The following CCDC171 variants were observed in gnomAD, a reference collection of about 807,000 sequenced individuals.
The protein encoded by CCDC171 is coiled-coil domain-containing protein 171.
CCDC171 carries 177 observed loss-of-function variants against 168.2 expected under a neutral mutation model. The observed-to-expected ratio is 1.05, with a 90% CI of 0.93 to 1.19. The LOEUF is 1.19. Ranked by LOEUF, CCDC171 falls within the 50% of genes most tolerant of loss-of-function variation. The pLI, the probability that CCDC171 is intolerant of heterozygous loss-of-function variation, is 0.00. For missense variants in CCDC171, 1,991 were observed against 1,539.0 expected (o/e 1.29, Z -4.91); for synonymous variants, 687 against 540.8 (o/e 1.27, Z -3.75).
intron 21 of CCDC171, among the ~76,000 whole-genome samples, chr9:15,823,989 T>G (rs145600220): frequency 8.5e-4 from 129 of 152,288 alleles, no homozygotes; most frequent in Non-Finnish European, 1.7e-3. Context: ...GAAGAAAACT[T>G]AATAGCATTG....
chr9:15,665,022 A>G (rs903692871), intron 8 of CCDC171, among the ~76,000 whole-genome samples: 4 of 152,132 alleles, frequency 2.6e-5, no homozygotes, highest in Non-Finnish European at 5.9e-5. Context: ...AAATAGTAAA[A>G]TGAACTTCCC....
intron 24 of CCDC171, among the ~76,000 whole-genome samples, chr9:15,895,504 A>G (rs1433266264): frequency 6.6e-6 from 1 of 152,016 alleles, no homozygotes; most frequent in African/African-American, 2.4e-5. Flanking sequence ...ATAGAATCCA[A>G]ATATTCACCT....
chr9:15,569,196 G>C (rs535125633), intron 2 of CCDC171, among the ~76,000 whole-genome samples: 3 of 152,106 alleles, frequency 2.0e-5, no homozygotes, highest in Non-Finnish European at 4.4e-5. Context: ...CTATTTCCAT[G>C]GATTTGTTTC....
At chr9:15,929,685 A>G (rs1433548199) in intron 25 of CCDC171, among the ~76,000 whole-genome samples, 1 of 151,800 alleles carries the variant, frequency 6.6e-6, no homozygotes, top group Admixed American at 6.6e-5. Flanking sequence ...TGGTCTTCCA[A>G]TAAGTTTTCT....
At chr9:15,778,189 C>T (rs996757066) in intron 19 of CCDC171, among the ~76,000 whole-genome samples, 1 of 150,798 alleles carries the variant, frequency 6.6e-6, no homozygotes, top group Non-Finnish European at 1.5e-5. Flanking sequence ...CCCAGCTACT[C>T]GGGAGGCTGA....
intron 23 of CCDC171, among the ~76,000 whole-genome samples, chr9:15,852,229 C>G (rs956860883): frequency 6.6e-6 from 1 of 151,770 alleles, no homozygotes; most frequent in African/African-American, 2.4e-5. Flanking sequence ...TTTTCCACAT[C>G]CTTGCTCACA....
intron 7 of CCDC171, among the ~76,000 whole-genome samples, chr9:15,647,390 A>G (rs2047132937): frequency 6.6e-6 from 1 of 152,028 alleles, no homozygotes; most frequent in Admixed American, 6.6e-5. Context: ...AAGGCAAGAC[A>G]TAACTAAGAG....
chr9:15,723,618 G>T, intron 12 of CCDC171, 63 bp from the exon 13 acceptor site: 2 of 1,230,032 alleles, frequency 1.6e-6, no homozygotes, highest in South Asian at 2.7e-5. Flanking sequence ...ACCCATCCTT[G>T]AAAAATGTAA....
intron 11 of CCDC171, among the ~76,000 whole-genome samples, chr9:15,721,160 T>C (rs2053454367): frequency 6.6e-6 from 1 of 152,206 alleles, no homozygotes; most frequent in East Asian, 1.9e-4. Context: ...AATTGAAACA[T>C]GATGTAGGCT....
chr9:16,057,125 C>T (rs1463766959), intron 1 of CCDC171, among the ~76,000 whole-genome samples: 1 of 152,138 alleles, frequency 6.6e-6, no homozygotes, highest in Non-Finnish European at 1.5e-5. Context: ...GAATGACATC[C>T]TTTTATATAT....
rs1484929171 is a variant in CCDC171 at position 15,591,570 on chromosome 9, TA to T, written c.543+15del. 1 of 1,398,036 alleles carries T rather than the reference TA, an allele frequency of 7.2e-7. No homozygotes were observed. The highest frequency in any genetic ancestry group is 1.3e-5 in the South Asian group (1 of 77,976). 86.6% of individuals were successfully genotyped at this position (1,398,036 alleles called of 1,614,324 possible). On this transcript the variant is annotated intron_variant, in intron 5 of 25. Coordinates refer to ENST00000380701, the MANE Select transcript of CCDC171 (RefSeq NM_173550.4). Reference sequence around the variant, plus strand: ...AAAACTCTACAGGTAAAATAGTTTTTATAAAGGAATTTTCCGATATGTAATA... The same window carrying T: ...AAAACTCTACAGGTAAAATAGTTTTTTAAAGGAATTTTCCGATATGTAATA...
At chr9:15,812,467 C>A (rs1192116915) in intron 21 of CCDC171, among the ~76,000 whole-genome samples, 6 of 152,166 alleles carry the variant, frequency 3.9e-5, no homozygotes, top group Non-Finnish European at 8.8e-5. Context: ...CAAGTCTGGA[C>A]TAAAATTGCC....
intron 24 of CCDC171, among the ~76,000 whole-genome samples, chr9:15,882,070 G>A (rs1028538338): frequency 3.3e-5 from 5 of 152,094 alleles, no homozygotes; most frequent in African/African-American, 1.2e-4. Flanking sequence ...TAGTGTGCGA[G>A]GATTCTCCTT....
chr9:15,742,485 C>T (rs1008369941), intron 16 of CCDC171, among the ~76,000 whole-genome samples: 1 of 152,184 alleles, frequency 6.6e-6, no homozygotes, highest in Non-Finnish European at 1.5e-5. Context: ...AGCCAAGTGT[C>T]AAGTTTTATT....
chr9:16,063,961 A>C (rs1200487900), downstream of CCDC171, among the ~76,000 whole-genome samples: 1 of 152,214 alleles, frequency 6.6e-6, no homozygotes, highest in Admixed American at 6.5e-5. Context: ...GGAGTGAGCA[A>C]GTCTTGCTGG....
chr9:15,625,643 T>G (rs1235362891), intron 7 of CCDC171, among the ~76,000 whole-genome samples: 1 of 152,220 alleles, frequency 6.6e-6, no homozygotes, highest in East Asian at 1.9e-4. Context: ...GTGCTAATAT[T>G]TCTGAGGGCT....
downstream of CCDC171, among the ~76,000 whole-genome samples, chr9:16,062,502 A>G (rs1367049706): frequency 6.6e-6 from 1 of 152,220 alleles, no homozygotes; most frequent in Non-Finnish European, 1.5e-5. Context: ...ACCCCGAGAC[A>G]TGCAATTTAC....
At chr9:15,752,332 GAC>G (rs1165463260) in intron 18 of CCDC171, among the ~76,000 whole-genome samples, 3 of 152,172 alleles carry the variant, frequency 2.0e-5, no homozygotes, top group Non-Finnish European at 4.4e-5. Flanking sequence ...CATTGTAGAA[GAC>G]AGTTTGGCAA....
rs1213908054 is a variant in CCDC171 at position 15,666,251 on chromosome 9, A to T, written c.1004A>T (p.Glu335Val). 1 of 1,613,922 alleles carries T rather than the reference A, an allele frequency of 6.2e-7. No homozygotes were observed. Among genetic ancestry groups the T allele is most frequent in the East Asian group, 2.2e-5 (1 of 44,852 alleles). Reference protein sequence around the residue: ...AVADLEIIKNEFKEVESAYER... With the variant: ...AVADLEIIKNVFKEVESAYER... Reference sequence around the variant, plus strand: ...GCTGATTTGGAAATTATCAAGAATGAATTCAAAGAAGTTGAAAGTGCATAT... The same window carrying T: ...GCTGATTTGGAAATTATCAAGAATGTATTCAAAGAAGTTGAAAGTGCATAT... Residue 335 changes from glutamate to valine, a missense_variant, in exon 9 of 26, where the codon GAA becomes GTA. Physicochemically the swap from Glu to Val is moderately radical, Grantham distance 121. Coordinates refer to ENST00000380701, the MANE Select transcript of CCDC171 (RefSeq NM_173550.4).
Sources: allele counts gnomAD v4.1 joint callset (sites outside exome capture counted in the v4.1 genomes callset), GRCh38; gene constraint gnomAD v4.1.1; transcripts MANE v1.5; gene names NCBI Gene and HGNC (gene_info 2026-07-23, HGNC 2026-07-21).